Variants in FADS2 observed in about 807,000 individuals in gnomAD.
The protein encoded by FADS2 is fatty acid desaturase 2, also known as acyl-CoA 6-desaturase.
FADS2 carries 18 observed loss-of-function variants against 61.2 expected under a neutral mutation model. The observed-to-expected ratio is 0.29, with a 90% CI of 0.20 to 0.44. The LOEUF is 0.44. Among genes scored for constraint, FADS2 ranks in the 20% least tolerant of loss-of-function variants. The probability of loss-of-function intolerance (pLI) is 1.00; values close to 1 mark genes in which losing one functional copy is unlikely to be tolerated. For missense variants in FADS2, 322 were observed against 572.7 expected (o/e 0.56, Z 4.47); for synonymous variants, 203 against 223.9 (o/e 0.91, Z 0.83).
At chr11:61,824,307 G>A (rs569441616), upstream of FADS2, among the ~76,000 whole-genome samples, 16 of 150,608 alleles carry the variant, frequency 1.1e-4, no homozygotes, top group South Asian at 1.1e-3. Flanking sequence ...GCTTGAACCC[G>A]GGAGGCAGAG....
At chr11:61,839,051 T>C (rs1234322374) in intron 2 of FADS2, among the ~76,000 whole-genome samples, 1 of 152,000 alleles carries the variant, frequency 6.6e-6, no homozygotes, top group Non-Finnish European at 1.5e-5. Flanking sequence ...GTATCCACTC[T>C]CCTCCCCGTC....
At chr11:61,835,435 C>T (rs1035580644) in intron 1 of FADS2, among the ~76,000 whole-genome samples, 2 of 150,628 alleles carry the variant, frequency 1.3e-5, no homozygotes, top group Non-Finnish European at 3.0e-5. Context: ...CGCTCTGTCG[C>T]CAGGCTGGAA....
intron 1 of FADS2, among the ~76,000 whole-genome samples, chr11:61,819,444 G>A (rs2067017188): frequency 1.3e-5 from 2 of 152,328 alleles, no homozygotes; most frequent in South Asian, 2.1e-4. Flanking sequence ...TACTCGGGAG[G>A]CTGAGGCAGG....
At chr11:61,856,801 G>A in intron 5 of FADS2, 1 of 582,398 alleles carries the variant, frequency 1.7e-6, no homozygotes, top group Non-Finnish European at 3.1e-6. Flanking sequence ...TAGGGCTGAG[G>A]AAGCGTTGGC....
At chr11:61,854,020 C>T (rs1485432984) in intron 5 of FADS2, among the ~76,000 whole-genome samples, 1 of 152,254 alleles carries the variant, frequency 6.6e-6, no homozygotes, top group Admixed American at 6.5e-5. Flanking sequence ...GGGCTGGCTG[C>T]ACTCCCTCCC....
chr11:61,816,523 C>T lies in FADS2; in HGVS notation c.141+97C>T. On this transcript the variant is annotated intron_variant, in intron 1 of 11. Transcript: ENST00000257261. The surrounding 1 kb of genome is among the most constrained non-coding windows in gnomAD (Gnocchi z 7.0). ...CCCTGCACTCAGCCTCCGGTCCCGC[C>T]CTCTCCTGTGCCCCCGCCTGGCTGC... is the stretch of plus-strand genomic sequence containing the variant. The T allele has an allele frequency of 1.3e-6, 2 of 1,597,306 alleles. No homozygotes were observed. The highest frequency in any genetic ancestry group is 2.7e-5 in the African/African-American group (2 of 74,828).
chr11:61,818,874 AT>A (rs879309902), intron 1 of FADS2, among the ~76,000 whole-genome samples: 6,199 of 146,024 alleles, frequency 0.042, 419 homozygotes, highest in African/African-American at 0.14. Context: ...GAAATTTAAG[AT>A]TTTTTTTTTT....
At position 61,816,952 on chromosome 11, in the gene FADS2, G is replaced by T; in HGVS notation, c.141+526G>T. Reference sequence around the variant, plus strand: ...CATTGGCCGAGCCTCGTGGCGCGGGGAGCGAGATCCCGTCCCCCGGTGGGT... The same window carrying T: ...CATTGGCCGAGCCTCGTGGCGCGGGTAGCGAGATCCCGTCCCCCGGTGGGT... On this transcript the variant is annotated intron_variant, in intron 1 of 11. Transcript: ENST00000257261. The surrounding 1 kb of genome is among the most constrained non-coding windows in gnomAD (Gnocchi z 7.0). The T allele has an allele frequency of 7.3e-7, 1 of 1,374,946 alleles. No homozygotes were observed. Among genetic ancestry groups the T allele is most frequent in the South Asian group, 1.7e-5 (1 of 60,014 alleles). The allele number at this position is 1,374,946 out of a possible 1,614,324, so 85.2% of individuals were successfully genotyped here.
At chr11:61,853,058 G>C (rs1445706024) in intron 5 of FADS2, among the ~76,000 whole-genome samples, 1 of 152,124 alleles carries the variant, frequency 6.6e-6, no homozygotes, top group Admixed American at 6.5e-5. Context: ...TGGAGGCTGA[G>C]GCAAGAGAAT....
intron 2 of FADS2, among the ~76,000 whole-genome samples, chr11:61,839,483 T>G (rs553086286): frequency 3.0e-4 from 45 of 152,144 alleles, no homozygotes; most frequent in Middle Eastern, 6.8e-3. Context: ...TCATCATGCC[T>G]GGCTAATTTT....
chr11:61,855,607 G>C (rs1218277528), intron 5 of FADS2: 2 of 152,264 alleles, frequency 1.3e-5, no homozygotes, highest in Non-Finnish European at 2.9e-5. Flanking sequence ...CAAAGGGACT[G>C]TTTCTGGGGG....
At chr11:61,837,956 G>C in intron 2 of FADS2, 68 bp downstream of exon 2, 1 of 1,101,364 alleles carries the variant, frequency 9.1e-7, no homozygotes, top group African/African-American at 1.5e-5. Flanking sequence ...TCTGAGAGAG[G>C]CTCCCCTTGC....
chr11:61,830,120 T>C (rs1282809725), intron 1 of FADS2, among the ~76,000 whole-genome samples: 1 of 152,166 alleles, frequency 6.6e-6, no homozygotes, highest in Non-Finnish European at 1.5e-5. Flanking sequence ...AGTGAGGAGG[T>C]TGGGTTAATG....
At chr11:61,817,087 T>C (rs2066993218) in intron 1 of FADS2, 4 of 842,296 alleles carry the variant, frequency 4.7e-6, no homozygotes, top group Non-Finnish European at 6.6e-6. Flanking sequence ...CGGCGTTGGC[T>C]CCCAGGGGGC....
intron 4 of FADS2, among the ~76,000 whole-genome samples, chr11:61,841,205 C>T (rs1436951708): frequency 6.6e-6 from 1 of 151,942 alleles, no homozygotes; most frequent in Non-Finnish European, 1.5e-5. Context: ...GCACTCGCCA[C>T]CATGCCTGAC....
chr11:61,850,447 C>A (rs1038331069), intron 5 of FADS2, among the ~76,000 whole-genome samples: 1 of 152,026 alleles, frequency 6.6e-6, no homozygotes, highest in African/African-American at 2.4e-5. Flanking sequence ...GACGGGGTTT[C>A]ACCATGTTGG....
rs765576634 is a variant in FADS2, at chr11:61,816,689, C to T, written c.141+263C>T. 1 of 1,585,574 alleles carries T rather than the reference C, an allele frequency of 6.3e-7. No homozygotes were observed. Among genetic ancestry groups the T allele is most frequent in the Non-Finnish European group, 8.6e-7 (1 of 1,166,538 alleles). ...TCGCACCCTGAGCGCTGGGCCACCTCGTCCCAGGTGAAGTAGCGCGGGGTA... is the reference window on the plus strand; with the variant it reads ...TCGCACCCTGAGCGCTGGGCCACCTTGTCCCAGGTGAAGTAGCGCGGGGTA... On this transcript the variant is annotated intron_variant, in intron 1 of 11. Coordinates refer to the FADS2 transcript ENST00000257261. The surrounding 1 kb of genome is among the most constrained non-coding windows in gnomAD (Gnocchi z 7.0).
chr11:61,864,596 T>C (rs1194653503), intron 10 of FADS2, among the ~76,000 whole-genome samples: 1 of 152,138 alleles, frequency 6.6e-6, no homozygotes, highest in Non-Finnish European at 1.5e-5. Flanking sequence ...GGTTTCACCA[T>C]GTTGGCCAGG....
intron 4 of FADS2, among the ~76,000 whole-genome samples, chr11:61,845,823 G>A (rs2067254194): frequency 6.6e-6 from 1 of 151,086 alleles, no homozygotes; most frequent in African/African-American, 2.4e-5. Flanking sequence ...AATCACAGCA[G>A]AGGAAGTAGC....
Sources: allele counts gnomAD v4.1 joint callset (sites outside exome capture counted in the v4.1 genomes callset), GRCh38; gene constraint gnomAD v4.1.1; non-coding constraint Gnocchi (gnomAD v3.1); transcripts MANE v1.5; gene names NCBI Gene and HGNC (gene_info 2026-07-23, HGNC 2026-07-21).